Variants in CNTLN observed in about 807,000 individuals in gnomAD.
CNTLN encodes centlein.
CNTLN carries 212 observed loss-of-function variants against 180.0 expected under a neutral mutation model. The observed-to-expected ratio is 1.18, with a 90% CI of 1.05 to 1.32. The LOEUF (loss-of-function observed/expected upper bound fraction) is 1.32. CNTLN is among the 40% of genes most tolerant of loss of function. The pLI is 0.00. For missense variants in CNTLN, 2,095 were observed against 1,610.9 expected (o/e 1.30, Z -5.14); for synonymous variants, 722 against 563.1 (o/e 1.28, Z -3.99).
chr9:17,433,341 A>G (rs1829545407), intron 18 of CNTLN, among the ~76,000 whole-genome samples: 1 of 151,444 alleles, frequency 6.6e-6, no homozygotes, highest in Non-Finnish European at 1.5e-5. Flanking sequence ...CTGGAGTGCA[A>G]TGGCGCAATC....
In CNTLN at chr9:17,366,657, A is replaced by G. The variant is rs114568912; in HGVS notation, c.1927A>G (p.Ile643Val). Residue 643 changes from isoleucine to valine, a missense_variant, in exon 13 of 26, where the codon ATA becomes GTA. Physicochemically the swap from Ile to Val is conservative, Grantham distance 29. Coordinates refer to ENST00000380647, the MANE Select transcript of CNTLN (RefSeq NM_017738.4). ...EEELDELKVH[I>V]SIDKAAIQEL... ...AGAATTAGATGAACTTAAAGTACAT[A>G]TATCTATTGATAAGGCAGCAATACA... 4,917 of 1,584,332 alleles carry G rather than the reference A, an allele frequency of 3.1e-3. 150 individuals carry two copies. In the African/African-American group the frequency reaches 0.058, roughly 19 times the overall value.
chr9:17,477,038 A>G (rs1376340265), intron 23 of CNTLN, among the ~76,000 whole-genome samples: 1 of 152,160 alleles, frequency 6.6e-6, no homozygotes, highest in African/African-American at 2.4e-5. Context: ...CTCATTTCAC[A>G]TTCCAAAAAT....
At chr9:17,375,958 G>A (rs1340270399) in intron 13 of CNTLN, among the ~76,000 whole-genome samples, 1 of 152,142 alleles carries the variant, frequency 6.6e-6, no homozygotes, top group African/African-American at 2.4e-5. Context: ...TCTAACCACT[G>A]TACTTTTAGG....
At chr9:17,388,381 A>T in intron 14 of CNTLN, 128 bp downstream of exon 14, 1 of 618,094 alleles carries the variant, frequency 1.6e-6, no homozygotes. Flanking sequence ...TTCATAATTC[A>T]AAATCATTGG....
chr9:17,511,648 T>TCACACA, the CNTLN span, among the ~76,000 whole-genome samples: 29,235 of 146,514 alleles, frequency 0.2, 3,557 homozygotes, highest in Admixed American at 0.32. Context: ...TCTCTCTCTC[T>TCACACA]CACACACACA....
chr9:17,300,843 C>G (rs928207228), intron 7 of CNTLN: 9 of 288,054 alleles, frequency 3.1e-5, no homozygotes, highest in Middle Eastern at 1.6e-3. Context: ...TTGAACATAA[C>G]AGGTATTTAA....
chr9:17,472,472 A>C (rs149456123), intron 23 of CNTLN, among the ~76,000 whole-genome samples: 1 of 152,254 alleles, frequency 6.6e-6, no homozygotes, highest in South Asian at 2.1e-4. Flanking sequence ...AAGCCATCCA[A>C]TCCCCTATTG....
At position 17,446,144 on chromosome 9, in the gene CNTLN, C is replaced by T. The variant is rs112287590; in HGVS notation, c.3115-11380C>T. On this transcript the variant is annotated intron_variant, in intron 18 of 25. Transcript: ENST00000380647. The stretch of plus-strand genomic sequence containing the variant: ...CATCCCCCTCTTCGAGAAACACCCA[C>T]GAATGATGAATAAATACTAAGGGAA... 3.9e-5 allele frequency among the ~76,000 whole-genome samples: 6 copies of T among 152,176 alleles called. No homozygotes were observed. The East Asian group carries it at 5.8e-4, about 15-fold the overall frequency.
intron 13 of CNTLN, among the ~76,000 whole-genome samples, chr9:17,383,714 T>C (rs1825448021): frequency 6.6e-6 from 1 of 151,790 alleles, no homozygotes; most frequent in South Asian, 2.1e-4. Context: ...CTCGGCCCAC[T>C]GCAAGCTCTG....
chr9:17,515,405 A>G, the CNTLN span, among the ~76,000 whole-genome samples: 1 of 152,208 alleles, frequency 6.6e-6, no homozygotes, highest in East Asian at 1.9e-4. Flanking sequence ...CCTTAAGTAC[A>G]ATCTATAAGC....
At chr9:17,231,820 C>T (rs1054445057) in intron 3 of CNTLN, among the ~76,000 whole-genome samples, 1 of 151,922 alleles carries the variant, frequency 6.6e-6, no homozygotes, top group African/African-American at 2.4e-5. Context: ...TTCCCTACCC[C>T]CCACCCATTT....
intron 3 of CNTLN, among the ~76,000 whole-genome samples, chr9:17,233,573 A>T (rs2132134664): frequency 6.6e-6 from 1 of 152,262 alleles, no homozygotes; most frequent in Non-Finnish European, 1.5e-5. Context: ...TTGGTCATGA[A>T]TATTTGCAGT....
Position 17,465,978 on chromosome 9 carries a change from T to C in CNTLN, c.3532-3T>C. ...AATAATTACCTTTATGCTTTTAATG[T>C]AGGTAAAGACATTAACTGAAGAATG... is the stretch of plus-strand genomic sequence containing the variant. On this transcript the variant is annotated splice_region_variant and splice_polypyrimidine_tract_variant and intron_variant, in intron 21 of 25. Coordinates refer to ENST00000380647, the MANE Select transcript of CNTLN (RefSeq NM_017738.4). 1 of 1,595,746 alleles carries C rather than the reference T, an allele frequency of 6.3e-7. No individual in the cohort carries two copies. Among genetic ancestry groups the C allele is most frequent in the South Asian group, 1.1e-5 (1 of 88,598 alleles).
At position 17,266,162 on chromosome 9, in the gene CNTLN, C is replaced by G. The variant is rs565856521; in HGVS notation, c.850-7571C>G. Among the ~76,000 whole-genome samples the G allele has an allele frequency of 4.0e-5, 6 of 151,842 alleles. No individual in the cohort carries two copies. In the South Asian group the frequency reaches 1.3e-3, roughly 32 times the overall value. On this transcript the variant is annotated intron_variant, in intron 5 of 25. Coordinates refer to ENST00000380647, the MANE Select transcript of CNTLN (RefSeq NM_017738.4). Reference sequence around the variant, plus strand: ...TCAGTTTTGGATCTTCCTGCTTTCTCTTTTGGGCATTTAGTGCTATAAATT... The same window carrying G: ...TCAGTTTTGGATCTTCCTGCTTTCTGTTTTGGGCATTTAGTGCTATAAATT...
chr9:17,292,939 C>G lies in CNTLN; in HGVS notation c.984-5251C>G, dbSNP rs77783692. 4.6e-5 allele frequency among the ~76,000 whole-genome samples: 7 copies of G among 152,288 alleles called. No individual in the cohort carries two copies. The South Asian group carries it at 1.4e-3, about 32-fold the overall frequency. On this transcript the variant is annotated intron_variant, in intron 6 of 25. Coordinates refer to ENST00000380647, the MANE Select transcript of CNTLN (RefSeq NM_017738.4). ...CTTTGTGAGTTTACCTAGCTTTGAT[C>G]TTTCAGTTTGCGAGGACCTTTTTGT...
At chr9:17,229,512 C>T (rs1169198130) in intron 3 of CNTLN, among the ~76,000 whole-genome samples, 1 of 151,868 alleles carries the variant, frequency 6.6e-6, no homozygotes, top group Non-Finnish European at 1.5e-5. Flanking sequence ...AGAATGGAGA[C>T]CTAGGGAACA....
At chr9:17,253,761 G>GTTTT (rs60517986) in intron 5 of CNTLN, among the ~76,000 whole-genome samples, 1,704 of 142,700 alleles carry the variant, frequency 0.012, 42 homozygotes, top group African/African-American at 0.041. Context: ...CTTTTCTATT[G>GTTTT]TTTTTTTTTT....
intron 2 of CNTLN, among the ~76,000 whole-genome samples, chr9:17,195,535 G>C (rs986193990): frequency 5.9e-5 from 9 of 152,198 alleles, no homozygotes; most frequent in African/African-American, 2.2e-4. Flanking sequence ...GAGTTTTTAA[G>C]TTCTAGGTTT....
chr9:17,302,103 C>G (rs1818404828), intron 7 of CNTLN: 2 of 820,598 alleles, frequency 2.4e-6, no homozygotes, highest in Non-Finnish European at 2.8e-6. Flanking sequence ...CACACACACA[C>G]ACACACACAC....
Sources: gnomAD v4.1 joint callset for allele counts (sites outside exome capture counted in the v4.1 genomes callset) on GRCh38, gnomAD v4.1.1 for gene constraint, MANE v1.5 for transcripts, NCBI Gene and HGNC (gene_info 2026-07-23, HGNC 2026-07-21) for gene names.